NCAM1: variants seen among roughly 807,000 people sequenced by gnomAD.
NCAM1 encodes antigen recognized by monoclonal antibody 5.1H11.
Under a neutral mutation model 109.8 loss-of-function variants are expected in NCAM1, and 14 were observed. That is an observed-to-expected ratio of 0.13 (90% CI 0.08 to 0.20). The LOEUF (loss-of-function observed/expected upper bound fraction) is 0.20. NCAM1 is among the 10% of genes least tolerant of loss of function. The probability of loss-of-function intolerance (pLI) is 1.00; values close to 1 mark genes in which losing one functional copy is unlikely to be tolerated. For synonymous variants in NCAM1, 418 were observed against 442.9 expected, an observed-to-expected ratio of 0.94 and a Z score of 0.70; for missense variants, 774 against 1,109.9, an observed-to-expected ratio of 0.70 and a Z score of 4.30.
intron 19 of NCAM1, among the ~76,000 whole-genome samples, chr11:113,272,398 G>A (rs1230751549): frequency 6.6e-6 from 1 of 152,118 alleles, no homozygotes; most frequent in African/African-American, 2.4e-5. Flanking sequence ...TGGAGTTTCA[G>A]GGAACCACAA....
At chr11:112,969,070 G>C (rs951746949) in intron 1 of NCAM1, among the ~76,000 whole-genome samples, 4 of 152,154 alleles carry the variant, frequency 2.6e-5, no homozygotes, top group African/African-American at 9.6e-5. Context: ...CACAAGAAAG[G>C]AAGCAATTAA....
At chr11:113,128,979 AAATT>A (rs1452017723) in intron 1 of NCAM1, among the ~76,000 whole-genome samples, 4 of 151,884 alleles carry the variant, frequency 2.6e-5, no homozygotes, top group African/African-American at 7.3e-5. Flanking sequence ...GATATATTAA[AAATT>A]AATCCTTGGG....
intron 1 of NCAM1, among the ~76,000 whole-genome samples, chr11:113,175,725 A>G (rs1555106898): frequency 1.3e-5 from 2 of 152,174 alleles, no homozygotes; most frequent in Non-Finnish European, 2.9e-5. Context: ...AACATCAATC[A>G]TACTCCCCAC....
intron 14 of NCAM1, among the ~76,000 whole-genome samples, chr11:113,239,917 A>G (rs1945276725): frequency 6.6e-6 from 1 of 152,150 alleles, no homozygotes; most frequent in African/African-American, 2.4e-5. Context: ...GTTTTTCCAA[A>G]TTTTCATCTA....
At chr11:112,988,874 C>T (rs1393249453) in intron 1 of NCAM1, among the ~76,000 whole-genome samples, 2 of 151,684 alleles carry the variant, frequency 1.3e-5, no homozygotes, top group Non-Finnish European at 2.9e-5. Context: ...CAGCCACCCA[C>T]GTAGCTGGGA....
intron 14 of NCAM1, among the ~76,000 whole-genome samples, chr11:113,238,899 G>A (rs1056413446): frequency 6.6e-6 from 1 of 152,244 alleles, no homozygotes; most frequent in South Asian, 2.1e-4. Flanking sequence ...GGCAGGTGTT[G>A]CTGCCGGACT....
At position 113,036,561 on chromosome 11, in the gene NCAM1, G is replaced by A. The variant is rs548697100; in HGVS notation, c.52+74897G>A. Among the ~76,000 whole-genome samples the A allele has an allele frequency of 5.3e-5, 8 of 152,000 alleles. No individual in the cohort carries two copies. In the South Asian group the frequency reaches 6.3e-4, roughly 12 times the overall value. On this transcript the variant is annotated intron_variant, in intron 1 of 19. Coordinates refer to ENST00000316851, the MANE Select transcript of NCAM1 (RefSeq NM_181351.5). ...TCTACTTTATAGATGCCTTCCCTCCGGGTCATTGTCTACTCCCAGGTCCCC... is the reference window on the plus strand; with the variant it reads ...TCTACTTTATAGATGCCTTCCCTCCAGGTCATTGTCTACTCCCAGGTCCCC...
intron 1 of NCAM1, among the ~76,000 whole-genome samples, chr11:113,014,986 C>T (rs970955135): frequency 3.9e-5 from 6 of 152,322 alleles, no homozygotes; most frequent in Non-Finnish European, 8.8e-5. Flanking sequence ...GGTGTGCTGC[C>T]GCCAGCTGGC....
At position 113,270,388 on chromosome 11, in the gene NCAM1, G is replaced by T. The variant is rs369240260; in HGVS notation, c.2332G>T (p.Ala778Ser). 4 of 1,613,980 alleles carry T rather than the reference G, an allele frequency of 2.5e-6. No individual in the cohort carries two copies. Among genetic ancestry groups the T allele is most frequent in the Non-Finnish European group, 3.4e-6 (4 of 1,179,890 alleles). The change falls in exon 18 of 20, where the codon GCC (alanine) becomes TCC (serine). Residue 778 changes from alanine (A) to serine (S), a missense_variant. Coordinates refer to ENST00000316851, the MANE Select transcript of NCAM1 (RefSeq NM_181351.5). ...CAAGGACATGGAGGAGGGCAAGGCC[G>T]CCTTCTCGTGAGTGCAGACCTGTCC... Reference protein sequence around the residue: ...KGKDMEEGKAAFSKDESKEPI... With the variant: ...KGKDMEEGKASFSKDESKEPI...
chr11:113,103,569 G>A (rs1480789431), intron 1 of NCAM1, among the ~76,000 whole-genome samples: 2 of 152,038 alleles, frequency 1.3e-5, no homozygotes, highest in Non-Finnish European at 2.9e-5. Context: ...GCCTCCACAC[G>A]TGCAGAACTC....
intron 1 of NCAM1, among the ~76,000 whole-genome samples, chr11:113,062,945 G>C (rs553775205): frequency 2.4e-4 from 37 of 152,100 alleles, no homozygotes; most frequent in Non-Finnish European, 4.7e-4. Context: ...TCCAGCCTGG[G>C]CAACAGAGTG....
chr11:113,132,891 A>G (rs782262529), intron 1 of NCAM1: 7 of 152,368 alleles, frequency 4.6e-5, no homozygotes, highest in Admixed American at 2.0e-4. Context: ...CCACAGGGCC[A>G]TGTATACTGT....
chr11:112,988,445 T>C (rs1014132821), intron 1 of NCAM1, among the ~76,000 whole-genome samples: 23 of 152,346 alleles, frequency 1.5e-4, no homozygotes, highest in Admixed American at 8.5e-4. Context: ...GAACACCCTT[T>C]AGCATTTTTT....
intron 1 of NCAM1, among the ~76,000 whole-genome samples, chr11:112,984,435 A>T (rs1951239397): frequency 6.6e-6 from 1 of 151,780 alleles, no homozygotes; most frequent in Non-Finnish European, 1.5e-5. Flanking sequence ...TGGGTCATAT[A>T]GTAGTTCTAT....
At chr11:113,018,893 T>C (rs35748265) in intron 1 of NCAM1, among the ~76,000 whole-genome samples, 23 of 152,300 alleles carry the variant, frequency 1.5e-4, no homozygotes, top group African/African-American at 5.3e-4. Context: ...TATTTTTTTT[T>C]CCAATGTTGG....
intron 1 of NCAM1, among the ~76,000 whole-genome samples, chr11:113,070,232 C>G (rs1379383012): frequency 6.6e-6 from 1 of 151,894 alleles, no homozygotes; most frequent in Non-Finnish European, 1.5e-5. Flanking sequence ...TAGGACACAT[C>G]AACATTTACA....
intron 1 of NCAM1, among the ~76,000 whole-genome samples, chr11:113,104,210 G>GGGGGGT (rs1555092080): frequency 7.6e-6 from 1 of 130,768 alleles, no homozygotes; most frequent in African/African-American, 2.8e-5. Context: ...GGTGGGGTGG[G>GGGGGGT]GGGGGGGGCG....
In NCAM1 at chr11:113,273,864, GGCGACCGTCAACCAA is replaced by G. The variant is rs1241493014; in HGVS notation, c.2457-1401_2457-1387del. On this transcript the variant is annotated intron_variant, in intron 19 of 19. Transcript: ENST00000316851. The surrounding 1 kb of genome is among the most constrained non-coding windows in gnomAD (Gnocchi z 6.0). Reference sequence around the variant, plus strand: ...TCAGCCTCATCCAGGGCTTCTCTGAGGCGACCGTCAACCAAGGGGCTGGGATAAGGCAGAGAGAGC... The same window carrying G: ...TCAGCCTCATCCAGGGCTTCTCTGAGGGGGCTGGGATAAGGCAGAGAGAGC... 5 of 216,532 alleles carry G rather than the reference GGCGACCGTCAACCAA, an allele frequency of 2.3e-5. No individual in the cohort carries two copies. The highest frequency in any genetic ancestry group is 4.0e-5 in the Non-Finnish European group (4 of 100,618). The allele number at this position is 216,532 out of a possible 1,614,324, so 13.4% of individuals were successfully genotyped here.
intron 1 of NCAM1, among the ~76,000 whole-genome samples, chr11:113,151,834 C>T (rs1942233984): frequency 1.3e-5 from 2 of 152,174 alleles, no homozygotes; most frequent in East Asian, 1.9e-4. Context: ...AGTTCTAAAT[C>T]CCATCAGCTT....
Sources: gnomAD v4.1 joint callset for allele counts (sites outside exome capture counted in the v4.1 genomes callset) on GRCh38, gnomAD v4.1.1 for gene constraint, Gnocchi (gnomAD v3.1) non-coding constraint, MANE v1.5 for transcripts, NCBI Gene and HGNC (gene_info 2026-07-23, HGNC 2026-07-21) for gene names.